The following L3MBTL4 variants were observed in gnomAD, a reference collection of about 807,000 sequenced individuals.
L3MBTL4 encodes the protein lethal(3)malignant brain tumor-like protein 4.
L3MBTL4 carries 70 observed loss-of-function variants against 84.5 expected under a neutral mutation model. The ratio of observed to expected loss-of-function variants is 0.83; its 90% confidence interval spans 0.68 to 1.01. The LOEUF (loss-of-function observed/expected upper bound fraction) is 1.01, where lower values mean the gene tolerates loss of function less well. Ranked by LOEUF, L3MBTL4 falls within the 50% of genes least tolerant of loss-of-function variation. The pLI is 0.00. For synonymous variants in L3MBTL4, 274 were observed against 259.8 expected (o/e 1.05, Z -0.52); for missense variants, 715 against 754.8 (o/e 0.95, Z 0.62).
chr18:6,217,124 G>T (rs539717617), intron 10 of L3MBTL4, among the ~76,000 whole-genome samples: 1 of 151,822 alleles, frequency 6.6e-6, no homozygotes, highest in African/African-American at 2.4e-5. Context: ...TCATTTTTAT[G>T]CTTTTTAATA....
At chr18:6,218,735 G>A (rs564210742) in intron 10 of L3MBTL4, among the ~76,000 whole-genome samples, 7 of 152,142 alleles carry the variant, frequency 4.6e-5, no homozygotes, top group Non-Finnish European at 8.8e-5. Context: ...CCCAAAGAGA[G>A]AAGAATGTCA....
rs928133725 is a variant in L3MBTL4, at chr18:6,264,037, G to C, written c.129C>G (p.Val43=). ...ATGCTCCCTGTGCAGCCGCTGAAGGGACTGGAAGAGAAAACACAATGACTT... is the reference window on the plus strand; with the variant it reads ...ATGCTCCCTGTGCAGCCGCTGAAGGCACTGGAAGAGAAAACACAATGACTT... ...PKDSTTPLSH[V]PSAAAQGAWS... Residue 43 remains valine, a splice_region_variant and synonymous_variant, in exon 5 of 19, where the codon GTC becomes GTG. Coordinates refer to ENST00000317931, the MANE Select transcript of L3MBTL4 (RefSeq NM_001330559.2). 4.4e-6 allele frequency: 7 copies of C among 1,606,894 alleles called. No individual in the cohort carries two copies. The highest frequency in any genetic ancestry group is 6.0e-6 in the Non-Finnish European group (7 of 1,173,754).
intron 1 of L3MBTL4, among the ~76,000 whole-genome samples, chr18:6,383,145 G>C (rs916274836): frequency 1.3e-5 from 2 of 152,112 alleles, no homozygotes; most frequent in Non-Finnish European, 2.9e-5. Context: ...CTCAGCAATG[G>C]TGGACGCCCC....
At chr18:6,382,124 G>T (rs2054616470) in intron 1 of L3MBTL4, among the ~76,000 whole-genome samples, 1 of 151,940 alleles carries the variant, frequency 6.6e-6, no homozygotes, top group African/African-American at 2.4e-5. Flanking sequence ...GATCAATTTG[G>T]CTATTGATAC....
intron 13 of L3MBTL4, among the ~76,000 whole-genome samples, chr18:6,156,128 T>A (rs2043093602): frequency 6.6e-6 from 1 of 152,118 alleles, no homozygotes; most frequent in Non-Finnish European, 1.5e-5. Flanking sequence ...AAAGCATCTT[T>A]AAGAGGAGGA....
chr18:6,158,684 A>G (rs1448695129), intron 13 of L3MBTL4, among the ~76,000 whole-genome samples: 1 of 152,200 alleles, frequency 6.6e-6, no homozygotes, highest in African/African-American at 2.4e-5. Context: ...GGACAGCTGT[A>G]CATCTGTAGA....
At chr18:6,080,745 A>T in intron 16 of L3MBTL4, 136 bp downstream of exon 16, 2 of 612,314 alleles carry the variant, frequency 3.3e-6, no homozygotes, top group Non-Finnish European at 5.6e-6. Context: ...GAACTAGAAC[A>T]CAAGTCTCTT....
intron 13 of L3MBTL4, among the ~76,000 whole-genome samples, chr18:6,147,423 G>T (rs1306473816): frequency 1.3e-5 from 2 of 151,848 alleles, no homozygotes; most frequent in African/African-American, 4.8e-5. Flanking sequence ...TTGTACCTGG[G>T]TTTCAGGACA....
chr18:5,990,770 G>GGTGTGTGT (rs34551806), intron 16 of L3MBTL4, among the ~76,000 whole-genome samples: 19 of 142,288 alleles, frequency 1.3e-4, no homozygotes, highest in African/African-American at 4.2e-4. Flanking sequence ...GGTTCATGTG[G>GGTGTGTGT]GTGTGTGTGT....
rs1199427374 is a variant in L3MBTL4, at chr18:6,414,364, C to T, written c.-91+437G>A. Among the ~76,000 whole-genome samples, 1 of 152,178 alleles carries T rather than the reference C, an allele frequency of 6.6e-6. No homozygotes were observed. The highest frequency in any genetic ancestry group is 2.4e-5 in the African/African-American group (1 of 41,466). On this transcript the variant is annotated intron_variant, in intron 1 of 18. Transcript: ENST00000317931. The surrounding 1 kb of genome is among the most constrained non-coding windows in gnomAD (Gnocchi z 5.4). ...CCAGAGGAAACAAAAGCCAAATGCC[C>T]ACCGCCGGGCGCTCGATGGCCGGAG...
intron 16 of L3MBTL4, among the ~76,000 whole-genome samples, chr18:6,023,329 G>A (rs1371508792): frequency 6.6e-6 from 1 of 152,136 alleles, no homozygotes; most frequent in Non-Finnish European, 1.5e-5. Context: ...TTCATGATGT[G>A]GAAAGATAAA....
intron 14 of L3MBTL4, among the ~76,000 whole-genome samples, chr18:6,121,624 A>T (rs2059529923): frequency 1.3e-5 from 2 of 152,126 alleles, no homozygotes; most frequent in South Asian, 4.1e-4. Flanking sequence ...GGAAGCAGAC[A>T]TTCAAGTAGA....
chr18:6,136,174 C>G (rs561086454), intron 14 of L3MBTL4, among the ~76,000 whole-genome samples: 1 of 152,278 alleles, frequency 6.6e-6, no homozygotes, highest in East Asian at 1.9e-4. Context: ...TGGGTCCCTC[C>G]CACAACATGT....
rs201719685 is a variant in L3MBTL4, at chr18:6,311,559, G to T, written c.67C>A (p.Arg23Ser). 5 of 1,612,750 alleles carry T rather than the reference G, an allele frequency of 3.1e-6. No individual in the cohort carries two copies. The highest frequency in any genetic ancestry group is 1.1e-5 in the South Asian group (1 of 91,032). The change falls in exon 3 of 19, where the codon CGC becomes AGC. Residue 23 changes from arginine (R) to serine (S), a missense_variant. Physicochemically the swap from Arg to Ser is moderately radical, Grantham distance 110. Transcript: ENST00000317931. The part of the protein sequence containing the change: ...DSKERLDQDG[R>S]LEQAEEEKKP... ...TCCAGGGATGGACATCTTACCAAGC[G>T]TCCGTCCTGATCCAAACGCTCTTTG...
At chr18:5,982,439 A>G (rs1230706938) in intron 16 of L3MBTL4, among the ~76,000 whole-genome samples, 1 of 152,180 alleles carries the variant, frequency 6.6e-6, no homozygotes, top group Non-Finnish European at 1.5e-5. Flanking sequence ...AGAACATTCA[A>G]TTAGTCTGAA....
In L3MBTL4 at chr18:6,393,658, A is replaced by T. The variant is rs371351629; in HGVS notation, c.-91+21143T>A. 6.9e-4 allele frequency among the ~76,000 whole-genome samples: 105 copies of T among 152,250 alleles called. 5 individuals carry two copies. In the South Asian group the frequency reaches 0.012, roughly 18 times the overall value. ...CTCTTCCACAGCCAATCAATCAGGG[A>T]ATCCCAGTGGCTCTCCTTTCAAAAT... On this transcript the variant is annotated intron_variant, in intron 1 of 18. Coordinates refer to ENST00000317931, the MANE Select transcript of L3MBTL4 (RefSeq NM_001330559.2).
chr18:6,018,465 C>T (rs1326758274), intron 16 of L3MBTL4, among the ~76,000 whole-genome samples: 2 of 152,188 alleles, frequency 1.3e-5, no homozygotes, highest in Non-Finnish European at 2.9e-5. Context: ...AACCCCTTTT[C>T]CTACCCACGG....
At chr18:6,016,576 C>T (rs1457609209) in intron 16 of L3MBTL4, among the ~76,000 whole-genome samples, 2 of 152,182 alleles carry the variant, frequency 1.3e-5, no homozygotes, top group African/African-American at 4.8e-5. Context: ...CAAAGAGACA[C>T]ACCGAGTAGT....
chr18:6,053,586 C>T (rs2056911494), intron 16 of L3MBTL4, among the ~76,000 whole-genome samples: 1 of 152,204 alleles, frequency 6.6e-6, no homozygotes, highest in Non-Finnish European at 1.5e-5. Flanking sequence ...AATAGACTGA[C>T]TCACCCTTGT....
Sources: allele counts gnomAD v4.1 joint callset (sites outside exome capture counted in the v4.1 genomes callset), GRCh38; gene constraint gnomAD v4.1.1; non-coding constraint Gnocchi (gnomAD v3.1); transcripts MANE v1.5; gene names NCBI Gene and HGNC (gene_info 2026-07-23, HGNC 2026-07-21).